Variants in CLSTN2 observed in about 807,000 individuals in gnomAD.
The protein encoded by CLSTN2 is calsyntenin-2.
In CLSTN2, 48 loss-of-function variants were observed where a neutral mutation model predicts 101.2. The observed-to-expected ratio is 0.47, with a 90% CI of 0.38 to 0.60. The LOEUF (loss-of-function observed/expected upper bound fraction) is 0.60. CLSTN2 is among the 20% of genes least tolerant of loss of function. The pLI, the probability that CLSTN2 is intolerant of heterozygous loss-of-function variation, is 0.00. For missense variants in CLSTN2, 1,160 were observed against 1,238.2 expected, an observed-to-expected ratio of 0.94 and a Z score of 0.95; for synonymous variants, 481 against 463.6, an observed-to-expected ratio of 1.04 and a Z score of -0.48.
chr3:139,990,564 A>G (rs1936098151), intron 1 of CLSTN2, among the ~76,000 whole-genome samples: 2 of 152,256 alleles, frequency 1.3e-5, no homozygotes, highest in Admixed American at 6.5e-5. Context: ...GTAAAAGATA[A>G]TTTTAACTTT....
chr3:140,432,640 T>C (rs112734575), intron 5 of CLSTN2, among the ~76,000 whole-genome samples: 18 of 152,324 alleles, frequency 1.2e-4, no homozygotes, highest in African/African-American at 4.1e-4. Flanking sequence ...CTGTACAGGA[T>C]GCTGATTTAC....
chr3:140,386,679 C>G (rs1203841834), intron 2 of CLSTN2, among the ~76,000 whole-genome samples: 2 of 152,026 alleles, frequency 1.3e-5, no homozygotes, highest in African/African-American at 4.8e-5. Flanking sequence ...TCTGTCTCCC[C>G]TCTGTCCATC....
intron 8 of CLSTN2, among the ~76,000 whole-genome samples, chr3:140,517,182 T>C (rs955546530): frequency 6.6e-6 from 1 of 152,222 alleles, no homozygotes; most frequent in Non-Finnish European, 1.5e-5. Context: ...AAAGTTGTGA[T>C]TGTTTTTCAC....
intron 5 of CLSTN2, among the ~76,000 whole-genome samples, chr3:140,446,965 A>G (rs1933095459): frequency 6.6e-6 from 1 of 152,170 alleles, no homozygotes; most frequent in Non-Finnish European, 1.5e-5. Context: ...AGCCTGGCAC[A>G]TAGAAACAAA....
At chr3:139,966,457 G>A (rs144655970) in intron 1 of CLSTN2, among the ~76,000 whole-genome samples, 71 of 152,186 alleles carry the variant, frequency 4.7e-4, no homozygotes, top group African/African-American at 1.5e-3. Context: ...TTGCTGATGC[G>A]GTTTCCTCTG....
chr3:140,393,186 G>A (rs1449565347), intron 2 of CLSTN2, among the ~76,000 whole-genome samples: 3 of 152,106 alleles, frequency 2.0e-5, no homozygotes, highest in Non-Finnish European at 4.4e-5. Flanking sequence ...TAGCAGATGA[G>A]GACAAACAGA....
At chr3:140,064,914 G>T (rs2008273368) in intron 1 of CLSTN2, among the ~76,000 whole-genome samples, 1 of 152,138 alleles carries the variant, frequency 6.6e-6, no homozygotes, top group Non-Finnish European at 1.5e-5. Flanking sequence ...TATCACCATG[G>T]ATATGGAATA....
intron 1 of CLSTN2, among the ~76,000 whole-genome samples, chr3:139,950,491 C>T (rs535313992): frequency 1.3e-5 from 2 of 152,258 alleles, no homozygotes; most frequent in South Asian, 4.1e-4. Flanking sequence ...AACTCTGGCT[C>T]TAGTGGAAAT....
At chr3:140,472,681 G>A (rs536783221) in intron 8 of CLSTN2, among the ~76,000 whole-genome samples, 1 of 152,098 alleles carries the variant, frequency 6.6e-6, no homozygotes, top group African/African-American at 2.4e-5. Flanking sequence ...CTAAACAGAG[G>A]GGGAAGGATG....
At chr3:140,408,623 C>A (rs1324503080) in intron 4 of CLSTN2, among the ~76,000 whole-genome samples, 4 of 152,196 alleles carry the variant, frequency 2.6e-5, no homozygotes, top group Non-Finnish European at 4.4e-5. Flanking sequence ...GAGGACCCCA[C>A]AGTTTTTCAC....
At chr3:140,034,460 C>T (rs1380701183) in intron 1 of CLSTN2, among the ~76,000 whole-genome samples, 1 of 152,214 alleles carries the variant, frequency 6.6e-6, no homozygotes, top group Non-Finnish European at 1.5e-5. Flanking sequence ...TGAAATGGGG[C>T]TTGTACTCCC....
At chr3:140,351,450 T>C (rs986417235) in intron 2 of CLSTN2, among the ~76,000 whole-genome samples, 1 of 152,200 alleles carries the variant, frequency 6.6e-6, no homozygotes, top group Non-Finnish European at 1.5e-5. Flanking sequence ...ACCTCTAACC[T>C]TTAAAGAGTA....
intron 10 of CLSTN2, among the ~76,000 whole-genome samples, chr3:140,551,895 C>A (rs912117611): frequency 6.6e-6 from 1 of 151,108 alleles, no homozygotes. Context: ...AGACTCTCAA[C>A]AAATTATAGC....
At chr3:140,037,385 C>T (rs1294790978) in intron 1 of CLSTN2, among the ~76,000 whole-genome samples, 1 of 151,868 alleles carries the variant, frequency 6.6e-6, no homozygotes, top group Admixed American at 6.6e-5. Context: ...TAAATTGTAA[C>T]ATAATCAAGA....
chr3:140,236,418 C>CT (rs2086416969), intron 2 of CLSTN2, among the ~76,000 whole-genome samples: 1 of 152,122 alleles, frequency 6.6e-6, no homozygotes, highest in South Asian at 2.1e-4. Flanking sequence ...CTGTCACTCT[C>CT]TAATATTGGT....
intron 1 of CLSTN2, among the ~76,000 whole-genome samples, chr3:140,167,948 A>AT (rs2010159352): frequency 6.6e-6 from 1 of 152,202 alleles, no homozygotes. Context: ...TTGTTTATCC[A>AT]TTCACTAGTT....
In CLSTN2 at chr3:140,153,422, G is replaced by A. The variant is rs1283244844; in HGVS notation, c.110-22529G>A. Reference sequence around the variant, plus strand: ...AGCTGTGGCTTGGGCATTCTGCCCAGCAGCAGTGCAGAGCAGGGCTTCCCC... The same window carrying A: ...AGCTGTGGCTTGGGCATTCTGCCCAACAGCAGTGCAGAGCAGGGCTTCCCC... On this transcript the variant is annotated intron_variant, in intron 1 of 16. Transcript: ENST00000458420. Among the ~76,000 whole-genome samples the A allele has an allele frequency of 2.0e-5, 3 of 152,264 alleles. No homozygotes were observed. In the East Asian group the frequency reaches 5.8e-4, roughly 29 times the overall value.
At chr3:140,420,993 T>C (rs954855898) in intron 4 of CLSTN2, 132 bp from the exon 5 acceptor site, 5 of 964,940 alleles carry the variant, frequency 5.2e-6, no homozygotes, top group Non-Finnish European at 7.7e-6. Flanking sequence ...TGTTTGCCCT[T>C]GTTTTTACAA....
At chr3:140,365,576 A>G (rs1026774) in intron 2 of CLSTN2, among the ~76,000 whole-genome samples, 52,718 of 151,978 alleles carry the variant, frequency 0.35, 11,789 homozygotes, top group Non-Finnish European at 0.5. Flanking sequence ...CAGCAAGGCT[A>G]TTGTGATCAT....
Sources: allele counts gnomAD v4.1 joint callset (sites outside exome capture counted in the v4.1 genomes callset), GRCh38; gene constraint gnomAD v4.1.1; transcripts MANE v1.5; gene names NCBI Gene and HGNC (gene_info 2026-07-23, HGNC 2026-07-21).